Variants in KCNG3 observed in about 807,000 individuals in gnomAD.
KCNG3 encodes the protein potassium voltage-gated channel modifier subfamily G member 3.
Under a neutral mutation model 29.0 loss-of-function variants are expected in KCNG3, and 15 were observed. The observed-to-expected ratio is 0.52, with a 90% confidence interval of 0.35 to 0.80. The LOEUF (loss-of-function observed/expected upper bound fraction) is 0.80. Ranked by LOEUF, KCNG3 falls within the 30% of genes least tolerant of loss-of-function variation. KCNG3 has a pLI of 0.01. For missense variants in KCNG3, 512 were observed against 605.7 expected, an observed-to-expected ratio of 0.85 and a Z score of 1.62; for synonymous variants, 322 against 248.9, an observed-to-expected ratio of 1.29 and a Z score of -2.76.
the KCNG3 span, among the ~76,000 whole-genome samples, chr2:42,431,326 A>C: frequency 6.6e-6 from 1 of 151,318 alleles, no homozygotes; most frequent in South Asian, 2.1e-4. Context: ...TTTTTCCCTG[A>C]GCATTTTAAA....
chr2:42,405,330 T>C, the KCNG3 span, among the ~76,000 whole-genome samples: 1 of 152,214 alleles, frequency 6.6e-6, no homozygotes, highest in Non-Finnish European at 1.5e-5. Flanking sequence ...TGCTTTTGGT[T>C]TTGTTGATTT....
intron 1 of KCNG3, among the ~76,000 whole-genome samples, chr2:42,451,204 C>CAA (rs67651134): frequency 0.068 from 4,124 of 60,770 alleles, 220 homozygotes; most frequent in South Asian, 0.077. Flanking sequence ...GACTCCAACT[C>CAA]AAAAAAAAAA....
At chr2:42,481,265 G>A (rs1979755) in intron 1 of KCNG3, among the ~76,000 whole-genome samples, 10 of 152,052 alleles carry the variant, frequency 6.6e-5, no homozygotes, top group African/African-American at 2.4e-4. Flanking sequence ...CTGATTATAA[G>A]AATATCTTTA....
chr2:42,388,851 CCTT>C, the KCNG3 span, among the ~76,000 whole-genome samples: 1 of 152,096 alleles, frequency 6.6e-6, no homozygotes, highest in African/African-American at 2.4e-5. Context: ...TATCTTGTCT[CCTT>C]CTTCTAAGCA....
intron 1 of KCNG3, among the ~76,000 whole-genome samples, chr2:42,445,674 C>T (rs1672580272): frequency 6.6e-6 from 1 of 152,196 alleles, no homozygotes; most frequent in African/African-American, 2.4e-5. Flanking sequence ...TTCTGCATTA[C>T]TGCATGCACT....
At chr2:42,451,283 A>AT (rs1196889352) in intron 1 of KCNG3, among the ~76,000 whole-genome samples, 2 of 150,408 alleles carry the variant, frequency 1.3e-5, no homozygotes, top group African/African-American at 2.4e-5. Flanking sequence ...TTAGAATAGC[A>AT]TTTTTTTGTG....
intron 1 of KCNG3, among the ~76,000 whole-genome samples, chr2:42,462,725 G>A (rs1051125794): frequency 1.3e-5 from 2 of 151,998 alleles, no homozygotes; most frequent in African/African-American, 2.4e-5. Flanking sequence ...GTCTTTGTCA[G>A]GTGAATTTGT....
the KCNG3 span, among the ~76,000 whole-genome samples, chr2:42,401,047 G>A: frequency 0.061 from 9,227 of 150,788 alleles, 424 homozygotes; most frequent in Non-Finnish European, 0.098. Context: ...ACACATGTGT[G>A]TATATAAATA....
At chr2:42,433,024 G>C in the KCNG3 span, among the ~76,000 whole-genome samples, 2 of 151,220 alleles carry the variant, frequency 1.3e-5, no homozygotes, top group Admixed American at 6.6e-5. Flanking sequence ...GGAATCTATG[G>C]AAAAACCCAC....
chr2:42,404,541 C>A, the KCNG3 span, among the ~76,000 whole-genome samples: 3 of 152,094 alleles, frequency 2.0e-5, no homozygotes, highest in African/African-American at 4.8e-5. Flanking sequence ...CCAGCCTGGG[C>A]AACATGGCGA....
At chr2:42,453,787 T>A (rs1347071186) in intron 1 of KCNG3, among the ~76,000 whole-genome samples, 9 of 152,318 alleles carry the variant, frequency 5.9e-5, no homozygotes, top group South Asian at 2.1e-4. Flanking sequence ...TTTGCCTACT[T>A]GAATGTCCTG....
intron 1 of KCNG3, among the ~76,000 whole-genome samples, chr2:42,466,428 A>G (rs932258007): frequency 6.6e-6 from 1 of 152,136 alleles, no homozygotes; most frequent in African/African-American, 2.4e-5. Flanking sequence ...AAACAAAAAC[A>G]AAAACGAAAT....
chr2:42,478,102 G>A (rs1572861170), intron 1 of KCNG3, among the ~76,000 whole-genome samples: 1 of 152,088 alleles, frequency 6.6e-6, no homozygotes, highest in Non-Finnish European at 1.5e-5. Flanking sequence ...TGAGGACTTG[G>A]AAACTGGTTG....
intron 1 of KCNG3, among the ~76,000 whole-genome samples, chr2:42,453,789 A>G (rs1446402107): frequency 6.6e-6 from 1 of 152,046 alleles, no homozygotes; most frequent in Non-Finnish European, 1.5e-5. Flanking sequence ...TGCCTACTTG[A>G]ATGTCCTGGA....
At chr2:42,445,722 G>A (rs945441546) in intron 1 of KCNG3, among the ~76,000 whole-genome samples, 1 of 116,238 alleles carries the variant, frequency 8.6e-6, no homozygotes, top group South Asian at 2.6e-4. Context: ...TGCAGTCAAG[G>A]GATAGGATTC....
At chr2:42,477,039 A>T (rs2103720162) in intron 1 of KCNG3, among the ~76,000 whole-genome samples, 1 of 148,798 alleles carries the variant, frequency 6.7e-6, no homozygotes, top group South Asian at 2.2e-4. Flanking sequence ...ATAAAAAAAA[A>T]AAATTAGCCG....
the KCNG3 span, among the ~76,000 whole-genome samples, chr2:42,401,794 C>T: frequency 1.3e-5 from 2 of 152,006 alleles, no homozygotes; most frequent in African/African-American, 4.8e-5. Context: ...TGAGGCAGGA[C>T]GACTGCTTGA....
Position 42,486,656 on chromosome 2 carries a change from G to T in KCNG3, c.665+6181C>A, listed in dbSNP as rs1375869201. ...TCTCAGTGGCATCTTTGCATTAGCT[G>T]CTCCCTCTACCCAGAACACTCTTCT... is the stretch of plus-strand genomic sequence containing the variant. On this transcript the variant is annotated intron_variant, in intron 1 of 1. Coordinates refer to ENST00000306078, the MANE Select transcript of KCNG3 (RefSeq NM_133329.6). Among the ~76,000 whole-genome samples, 4 of 152,152 alleles carry T rather than the reference G, an allele frequency of 2.6e-5. No homozygotes were observed. The East Asian group carries it at 7.7e-4, about 29-fold the overall frequency.
chr2:42,486,200 T>C (rs376539575), intron 1 of KCNG3, among the ~76,000 whole-genome samples: 11 of 152,212 alleles, frequency 7.2e-5, no homozygotes, highest in Admixed American at 5.9e-4. Flanking sequence ...CCAGTGCCTG[T>C]GGGCCCTAGC....
Sources: allele counts gnomAD v4.1 joint callset (sites outside exome capture counted in the v4.1 genomes callset), GRCh38; gene constraint gnomAD v4.1.1; transcripts MANE v1.5; gene names NCBI Gene and HGNC (gene_info 2026-07-23, HGNC 2026-07-21).